Variants in AR observed in about 807,000 individuals in gnomAD.
AR encodes the protein androgen receptor, also known as dihydrotestosterone receptor.
In AR, 8 loss-of-function variants were observed where a neutral mutation model predicts 53.9. The observed-to-expected ratio is 0.15, with a 90% CI of 0.09 to 0.27. AR has a LOEUF of 0.27. Ranked by LOEUF, AR falls within the 10% of genes least tolerant of loss-of-function variation. The pLI, the probability that AR is intolerant of heterozygous loss-of-function variation, is 1.00. For synonymous variants in AR, 359 were observed against 316.4 expected (o/e 1.13, Z -1.43); for missense variants, 639 against 742.5 (o/e 0.86, Z 1.62).
At chrX:67,616,914 G>A (rs1227820868) in intron 1 of AR, among the ~76,000 whole-genome samples, 1 of 111,302 alleles carries the variant, frequency 9.0e-6, no homozygotes, top group Non-Finnish European at 1.9e-5. Context: ...TGAGCACAGA[G>A]CATTTAGCCT....
Position 67,546,458 on chromosome X carries a change from C to G in AR, c.1312C>G (p.Leu438Val), listed in dbSNP as rs2147321329. The G allele has an allele frequency of 8.5e-7, 1 of 1,179,993 alleles. No individual in the cohort carries two copies. Among genetic ancestry groups the G allele is most frequent in the South Asian group, 1.9e-5 (1 of 53,799 alleles). Residue 438 changes from leucine (L) to valine (V), a missense_variant, in exon 1 of 8, where the codon CTC (leucine) becomes GTC (valine). By Grantham distance (32) the Leu-to-Val change is conservative. This residue lies in a region of AR where 423 missense variants were observed against 377.0 expected (regional missense o/e 1.12). Transcript: ENST00000374690. ...SAAASSSWHT[L>V]FTAEEGQLYG... ...CGCCGCTTCCTCATCCTGGCACACT[C>G]TCTTCACAGCCGAAGAAGGCCAGTT...
intron 1 of AR, among the ~76,000 whole-genome samples, chrX:67,593,037 CCTAT>C (rs1422144751): frequency 8.9e-6 from 1 of 111,923 alleles, no homozygotes; most frequent in Admixed American, 9.4e-5. Flanking sequence ...CTGTTCTAAC[CCTAT>C]CTACTTCAGT....
Position 67,727,112 on chromosome X carries a change from T to C in AR, c.*3271T>C, listed in dbSNP as rs2076160950. 5.8e-6 allele frequency: 1 copy of C among 171,786 alleles called. No individual in the cohort carries two copies. Among genetic ancestry groups the C allele is most frequent in the South Asian group, 3.1e-4 (1 of 3,216 alleles). 14.2% of individuals were successfully genotyped at this position (171,786 alleles called of 1,213,427 possible). A position where few individuals can be genotyped will look rare whatever the true frequency, so the allele number is the denominator to read the frequency against. On this transcript the variant is annotated 3_prime_UTR_variant, in exon 8 of 8. Transcript: ENST00000374690. ...GCTCTCGTTCATTGGGCAGCTCGCC[T>C]AGGCCCAGCCTCTGAGCTGACATGG...
chrX:67,686,139 T>C lies in AR; in HGVS notation c.1885+13T>C, dbSNP rs377090275. 1.3e-5 allele frequency: 16 copies of C among 1,194,203 alleles called. No individual in the cohort carries two copies. In the African/African-American group the frequency reaches 2.8e-4, roughly 21 times the overall value. ...ATGACTCTGGGAGGTAAGATACTTT[T>C]CTTTCTCTTCCTCCTCCTTCCTCTC... On this transcript the variant is annotated intron_variant, in intron 3 of 7. Transcript: ENST00000374690.
intron 2 of AR, among the ~76,000 whole-genome samples, chrX:67,650,612 G>A (rs1215185517): frequency 8.9e-6 from 1 of 112,542 alleles, no homozygotes; most frequent in Non-Finnish European, 1.9e-5. Context: ...TAGTAGCCAT[G>A]TGTGCAACTT....
intron 2 of AR, among the ~76,000 whole-genome samples, chrX:67,653,558 G>A (rs1299248615): frequency 2.7e-5 from 3 of 111,303 alleles, no homozygotes; most frequent in African/African-American, 9.8e-5. Flanking sequence ...GAAAGTGGGA[G>A]GCTTGTTTGG....
intron 1 of AR, among the ~76,000 whole-genome samples, chrX:67,628,113 G>A (rs1414962765): frequency 1.8e-5 from 2 of 111,206 alleles, no homozygotes; most frequent in African/African-American, 6.5e-5. Context: ...TTGACTTGGG[G>A]ATGTGGGCTC....
At position 67,700,480 on chromosome X, in the gene AR, C is replaced by G. The variant is rs192296853; in HGVS notation, c.1886-10922C>G. On this transcript the variant is annotated intron_variant, in intron 3 of 7. Coordinates refer to ENST00000374690, the MANE Select transcript of AR (RefSeq NM_000044.6). Reference sequence around the variant, plus strand: ...ATCCTGGTCTCTGCTGCAGACAGAACAGAGGATCCCCCGGCAGAATGAATG... The same window carrying G: ...ATCCTGGTCTCTGCTGCAGACAGAAGAGAGGATCCCCCGGCAGAATGAATG... 1.4e-4 allele frequency among the ~76,000 whole-genome samples: 16 copies of G among 111,462 alleles called. 1 individual carries two copies. In the Admixed American group the frequency reaches 1.5e-3, roughly 11 times the overall value.
chrX:67,643,135 A>G (rs1254270736), intron 1 of AR, 121 bp from the exon 2 acceptor site: 1 of 888,344 alleles, frequency 1.1e-6, no homozygotes, highest in Non-Finnish European at 1.6e-6. Context: ...CACACTAACT[A>G]ACTTGAGCAA....
Position 67,643,251 on chromosome X carries a change from T to C in AR, c.1617-5T>C, listed in dbSNP as rs756439501. 10 of 1,210,003 alleles carry C rather than the reference T, an allele frequency of 8.3e-6. No individual in the cohort carries two copies. In the South Asian group the frequency reaches 1.8e-4, roughly 21 times the overall value. ...GTGTTGCATTGGTTTTTTGTGTCTTTCCAGTTTGGAGACTGCCAGGGACCA... is the reference window on the plus strand; with the variant it reads ...GTGTTGCATTGGTTTTTTGTGTCTTCCCAGTTTGGAGACTGCCAGGGACCA... On this transcript the variant is annotated splice_polypyrimidine_tract_variant and splice_region_variant and intron_variant, in intron 1 of 7. Coordinates refer to ENST00000374690, the MANE Select transcript of AR (RefSeq NM_000044.6).
intron 1 of AR, among the ~76,000 whole-genome samples, chrX:67,606,199 C>G (rs1303690750): frequency 9.0e-6 from 1 of 111,152 alleles, no homozygotes; most frequent in Non-Finnish European, 1.9e-5. Context: ...TAGCATAGAG[C>G]TATGCTAGTA....
At chrX:67,680,873 A>G (rs950524265) in intron 2 of AR, 2 of 296,542 alleles carry the variant, frequency 6.7e-6, no homozygotes, top group South Asian at 3.3e-5. Flanking sequence ...TGGCCTTTGA[A>G]TCATACTTAA....
intron 1 of AR, among the ~76,000 whole-genome samples, chrX:67,640,958 CCTT>C (rs1278157388): frequency 9.0e-6 from 1 of 111,046 alleles, no homozygotes; most frequent in Non-Finnish European, 1.9e-5. Flanking sequence ...TATTTCCAGT[CCTT>C]CTTCTCTAAC....
intron 3 of AR, chrX:67,695,205 C>A (rs1343851400): frequency 1.3e-6 from 1 of 753,247 alleles, no homozygotes; most frequent in African/African-American, 2.3e-5. Context: ...CTGTGGCCAT[C>A]TTTATTTGTG....
chrX:67,663,520 G>C (rs895019963), intron 2 of AR, among the ~76,000 whole-genome samples: 34 of 112,324 alleles, frequency 3.0e-4, no homozygotes, highest in Non-Finnish European at 5.8e-4. Context: ...GCTTCCCTTT[G>C]TGGGGAACCT....
At chrX:67,574,570 T>C (rs1195961333) in intron 1 of AR, among the ~76,000 whole-genome samples, 1 of 111,428 alleles carries the variant, frequency 9.0e-6, no homozygotes, top group East Asian at 2.8e-4. Flanking sequence ...GCCTCTCAGC[T>C]TTCAATGACT....
At chrX:67,606,054 A>AT (rs368810641) in intron 1 of AR, among the ~76,000 whole-genome samples, 11 of 111,308 alleles carry the variant, frequency 9.9e-5, no homozygotes, top group South Asian at 7.6e-4. Context: ...GCAAATTGCT[A>AT]TTTTTTTTAA....
At chrX:67,672,344 C>T (rs758513513) in intron 2 of AR, among the ~76,000 whole-genome samples, 1 of 111,114 alleles carries the variant, frequency 9.0e-6, no homozygotes, top group South Asian at 3.9e-4. Flanking sequence ...TTAGATTCAG[C>T]GTTATGATTG....
intron 3 of AR, among the ~76,000 whole-genome samples, chrX:67,702,575 A>T (rs978706698): frequency 8.9e-6 from 1 of 111,865 alleles, no homozygotes; most frequent in Non-Finnish European, 1.9e-5. Context: ...TGATTGTTGG[A>T]CAAAGTCATC....
Sources: gnomAD v4.1 joint callset for allele counts (sites outside exome capture counted in the v4.1 genomes callset) on GRCh38, gnomAD v4.1.1 for gene constraint, gnomAD v4.1.1 regional missense constraint, MANE v1.5 for transcripts, NCBI Gene and HGNC (gene_info 2026-07-23, HGNC 2026-07-21) for gene names.